Variants in BANK1 observed in about 807,000 individuals in gnomAD.
The protein encoded by BANK1 is B-cell scaffold protein with ankyrin repeats.
Under a neutral mutation model 94.5 loss-of-function variants are expected in BANK1, and 95 were observed. The observed-to-expected ratio is 1.00, with a 90% CI of 0.85 to 1.19. The LOEUF (loss-of-function observed/expected upper bound fraction) is 1.19. BANK1 is among the 50% of genes most tolerant of loss of function. The pLI, the probability that BANK1 is intolerant of heterozygous loss-of-function variation, is 0.00. For missense variants in BANK1, 987 were observed against 932.2 expected (o/e 1.06, Z -0.77); for synonymous variants, 334 against 308.4 (o/e 1.08, Z -0.87).
chr4:101,816,229 G>C (rs981677873), intron 1 of BANK1, among the ~76,000 whole-genome samples: 1 of 152,172 alleles, frequency 6.6e-6, no homozygotes, highest in African/African-American at 2.4e-5. Context: ...ATGAGTTCAA[G>C]TCTAATTTTC....
intron 7 of BANK1, among the ~76,000 whole-genome samples, chr4:101,977,293 G>A (rs1725170042): frequency 6.6e-6 from 1 of 152,086 alleles, no homozygotes. Flanking sequence ...TCACACACTG[G>A]TTCTTAAAGC....
intron 5 of BANK1, 70 bp from the exon 6 acceptor site, chr4:101,895,235 A>T: frequency 1.2e-6 from 1 of 824,964 alleles, no homozygotes; most frequent in Non-Finnish European, 1.9e-6. Flanking sequence ...ATTTTTGTTA[A>T]ATTGCACTAA....
chr4:102,015,542 A>AAATTGC (rs1158962014), intron 7 of BANK1, among the ~76,000 whole-genome samples: 1 of 152,218 alleles, frequency 6.6e-6, no homozygotes, highest in African/African-American at 2.4e-5. Flanking sequence ...ACTTCTCATC[A>AAATTGC]AATTGCATAG....
At chr4:101,916,516 A>G (rs757732216) in intron 6 of BANK1, among the ~76,000 whole-genome samples, 53 of 152,130 alleles carry the variant, frequency 3.5e-4, no homozygotes, top group Non-Finnish European at 6.5e-4. Flanking sequence ...GAGCTAGGTT[A>G]ATCTTTTGAA....
intron 7 of BANK1, among the ~76,000 whole-genome samples, chr4:101,975,495 G>T (rs1725093131): frequency 6.6e-6 from 1 of 152,148 alleles, no homozygotes; most frequent in African/African-American, 2.4e-5. Flanking sequence ...GACTTCTTTG[G>T]TTCAAAACTT....
At chr4:101,883,972 G>A (rs1001762889) in intron 5 of BANK1, among the ~76,000 whole-genome samples, 1 of 152,070 alleles carries the variant, frequency 6.6e-6, no homozygotes, top group African/African-American at 2.4e-5. Flanking sequence ...AATCTTGTGG[G>A]CCTCTGTACT....
chr4:101,796,886 A>C (rs1725174398), intron 1 of BANK1, among the ~76,000 whole-genome samples: 1 of 152,186 alleles, frequency 6.6e-6, no homozygotes, highest in African/African-American at 2.4e-5. Flanking sequence ...TTTACTTAGT[A>C]AAACAGGAAG....
chr4:102,043,415 A>G (rs1727768518), intron 10 of BANK1, among the ~76,000 whole-genome samples: 1 of 152,060 alleles, frequency 6.6e-6, no homozygotes, highest in African/African-American at 2.4e-5. Context: ...GAAATACAAG[A>G]GTCTTTTTAC....
At chr4:101,892,746 C>T (rs1721924093) in intron 5 of BANK1, among the ~76,000 whole-genome samples, 2 of 151,772 alleles carry the variant, frequency 1.3e-5, no homozygotes, top group Non-Finnish European at 3.0e-5. Context: ...TCAACTTCAT[C>T]AAATGTTCTT....
At chr4:102,042,876 GT>G (rs1727748415) in intron 10 of BANK1, among the ~76,000 whole-genome samples, 2 of 151,970 alleles carry the variant, frequency 1.3e-5, no homozygotes, top group African/African-American at 4.8e-5. Context: ...GGAAGTGGCA[GT>G]AGTGCTGTAA....
chr4:101,863,274 A>G (rs970076583), intron 4 of BANK1, among the ~76,000 whole-genome samples: 1 of 152,066 alleles, frequency 6.6e-6, no homozygotes, highest in African/African-American at 2.4e-5. Context: ...TTGTATTAAA[A>G]TCAAAATCTA....
chr4:101,878,622 G>T (rs1289168608), intron 5 of BANK1, among the ~76,000 whole-genome samples: 1 of 152,102 alleles, frequency 6.6e-6, no homozygotes, highest in Admixed American at 6.6e-5. Flanking sequence ...AATATTTACA[G>T]AATGTTTCAT....
At chr4:102,015,799 C>T (rs1371423875) in intron 7 of BANK1, among the ~76,000 whole-genome samples, 1 of 152,114 alleles carries the variant, frequency 6.6e-6, no homozygotes, top group African/African-American at 2.4e-5. Flanking sequence ...TCCACTAATC[C>T]TCATTACCCT....
intron 3 of BANK1, among the ~76,000 whole-genome samples, chr4:101,855,469 C>T (rs577063095): frequency 1.3e-5 from 2 of 152,250 alleles, no homozygotes; most frequent in South Asian, 4.1e-4. Flanking sequence ...CATGGCTATC[C>T]TCTGAACCTA....
Position 101,830,088 on chromosome 4 carries a change from A to C in BANK1, c.351A>C (p.Gly117=). The change falls in exon 2 of 17, where the codon GGA becomes GGC. Residue 117 remains glycine, a synonymous_variant. Transcript: ENST00000322953. The part of the protein sequence containing the change: ...SPKSVVTLLC[G]VKSSDQLYEL... Reference sequence around the variant, plus strand: ...AAAGTGTAGTTACTTTGCTTTGTGGAGTGAAGAGTTCAGATCAGCTCTATG... The same window carrying C: ...AAAGTGTAGTTACTTTGCTTTGTGGCGTGAAGAGTTCAGATCAGCTCTATG... 2 of 1,613,900 alleles carry C rather than the reference A, an allele frequency of 1.2e-6. No homozygotes were observed. Among genetic ancestry groups the C allele is most frequent in the South Asian group, 2.2e-5 (2 of 91,056 alleles).
chr4:101,809,845 G>A (rs1007439177), intron 1 of BANK1, among the ~76,000 whole-genome samples: 1 of 152,212 alleles, frequency 6.6e-6, no homozygotes, highest in Non-Finnish European at 1.5e-5. Context: ...TGTTCGGATG[G>A]TGTGGTAGAC....
At chr4:102,036,368 T>C (rs1302761899) in intron 10 of BANK1, among the ~76,000 whole-genome samples, 1 of 152,178 alleles carries the variant, frequency 6.6e-6, no homozygotes, top group Admixed American at 6.5e-5. Context: ...TTGTAGAAAC[T>C]GTTAGGAAAA....
rs569908762 is a variant in BANK1 at position 102,022,119 on chromosome 4, T to A, written c.1285+527T>A. ...ACATGTATATATAAACGTGTATATA[T>A]ACGCGTTTATATGTGTACGTAAACT... On this transcript the variant is annotated intron_variant, in intron 8 of 16. Transcript: ENST00000322953. Among the ~76,000 whole-genome samples, 5 of 152,152 alleles carry A rather than the reference T, an allele frequency of 3.3e-5. No homozygotes were observed. In the East Asian group the frequency reaches 9.7e-4, roughly 29 times the overall value.
chr4:101,957,243 T>G (rs1176664514), intron 7 of BANK1, among the ~76,000 whole-genome samples: 1 of 152,146 alleles, frequency 6.6e-6, no homozygotes, highest in African/African-American at 2.4e-5. Flanking sequence ...CAGCTGTTCA[T>G]CCTTTCCCTC....
Sources: gnomAD v4.1 joint callset for allele counts (sites outside exome capture counted in the v4.1 genomes callset) on GRCh38, gnomAD v4.1.1 for gene constraint, MANE v1.5 for transcripts, NCBI Gene and HGNC (gene_info 2026-07-23, HGNC 2026-07-21) for gene names.